DDR1: variants seen among roughly 807,000 people sequenced by gnomAD.
DDR1 encodes the protein discoidin domain receptor tyrosine kinase 1.
A neutral mutation model predicts 97.4 loss-of-function variants in DDR1; 64 were observed. The observed-to-expected ratio is 0.66, with a 90% confidence interval of 0.54 to 0.81. The LOEUF (loss-of-function observed/expected upper bound fraction) is 0.81, where lower values mean the gene tolerates loss of function less well. Ranked by LOEUF, DDR1 falls within the 30% of genes least tolerant of loss-of-function variation. DDR1 has a pLI of 0.00. For missense variants in DDR1, 990 were observed against 1,259.6 expected, an observed-to-expected ratio of 0.79 and a Z score of 3.24; for synonymous variants, 458 against 503.7, an observed-to-expected ratio of 0.91 and a Z score of 1.21.
At chr6:30,892,658 C>G in intron 8 of DDR1, 116 bp downstream of exon 8, 1 of 1,385,708 alleles carries the variant, frequency 7.2e-7, no homozygotes, top group South Asian at 1.5e-5. Flanking sequence ...CATCACCCAC[C>G]GAAACTTCTC....
Position 30,890,826 on chromosome 6 carries a change from C to T in DDR1, c.418-147C>T. ...AGATCTTCATTTCACCCATGCCTGGCTGCGCCCCACAGTGCTGTGTGCTCG... is the reference window on the plus strand; with the variant it reads ...AGATCTTCATTTCACCCATGCCTGGTTGCGCCCCACAGTGCTGTGTGCTCG... On this transcript the variant is annotated intron_variant, in intron 4 of 17. Coordinates refer to ENST00000376568, the MANE Select transcript of DDR1 (RefSeq NM_001297654.2). This position sits in a 1 kb window ranked among gnomAD's most constrained non-coding sequence, Gnocchi z 5.0. The T allele has an allele frequency of 1.4e-6, 1 of 724,750 alleles. No homozygotes were observed. The highest frequency in any genetic ancestry group is 2.1e-6 in the Non-Finnish European group (1 of 475,826). The allele number at this position is 724,750 out of a possible 1,614,324, so 44.9% of individuals were successfully genotyped here. A position where few individuals can be genotyped will look rare whatever the true frequency, so the allele number is the denominator to read the frequency against.
At chr6:30,898,764 TG>T in intron 16 of DDR1, 123 bp from the exon 17 acceptor site, 1 of 1,033,612 alleles carries the variant, frequency 9.7e-7, no homozygotes, top group Non-Finnish European at 1.4e-6. Flanking sequence ...GTGGAGAGCC[TG>T]GCGTCAGGAG....
rs940800414 is a variant in DDR1 at position 30,884,663 on chromosome 6, C to T, written c.-90C>T. On this transcript the variant is annotated 5_prime_UTR_variant, in exon 1 of 18. Transcript: ENST00000376568. The surrounding 1 kb of genome is among the most constrained non-coding windows in gnomAD (Gnocchi z 6.1). ...CCCCTCGCCCCGCCGCCGAAGAGGC[C>T]CCGCTCCCGGGTCGGACGCCTGGGT... is the stretch of plus-strand genomic sequence containing the variant. The T allele has an allele frequency of 6.6e-6, 1 of 152,180 alleles. No homozygotes were observed. Among genetic ancestry groups the T allele is most frequent in the Non-Finnish European group, 1.5e-5 (1 of 68,014 alleles). The allele number at this position is 152,180 out of a possible 1,614,324, so 9.4% of individuals were successfully genotyped here. A position where few individuals can be genotyped will look rare whatever the true frequency, so the allele number is the denominator to read the frequency against.
At chr6:30,896,950 C>T in intron 13 of DDR1, 64 bp from the exon 14 acceptor site, 2 of 1,576,896 alleles carry the variant, frequency 1.3e-6, no homozygotes, top group Non-Finnish European at 1.7e-6. Flanking sequence ...GAACCTTAGT[C>T]ATTTGTAACC....
In DDR1 at chr6:30,898,120, G is replaced by A. The variant is rs370297461; in HGVS notation, c.2264G>A (p.Arg755His). 58 of 1,614,220 alleles carry A rather than the reference G, an allele frequency of 3.6e-5. No homozygotes were observed. Among genetic ancestry groups the A allele is most frequent in the Non-Finnish European group, 4.7e-5 (56 of 1,180,034 alleles). Residue 755 changes from arginine to histidine, a missense_variant, in exon 16 of 18, where the codon CGC (arginine) becomes CAC (histidine). Physicochemically the swap from Arg to His is conservative, Grantham distance 29. Coordinates refer to ENST00000376568, the MANE Select transcript of DDR1 (RefSeq NM_001297654.2). ...GCAGCCCAGATCGCCTCCGGCATGCGCTATCTGGCCACACTCAACTTTGTA... is the reference window on the plus strand; with the variant it reads ...GCAGCCCAGATCGCCTCCGGCATGCACTATCTGGCCACACTCAACTTTGTA... ...HVAAQIASGM[R>H]YLATLNFVHR...
intron 8 of DDR1, 130 bp from the exon 9 acceptor site, chr6:30,892,938 C>A: frequency 1.3e-6 from 1 of 799,860 alleles, no homozygotes; most frequent in East Asian, 2.5e-5. Context: ...CCCCAGCCCC[C>A]ACTGGTCAGT....
At position 30,898,990 on chromosome 6, in the gene DDR1, C is replaced by T. The variant is rs2150475658; in HGVS notation, c.2554C>T (p.Gln852Ter). ...GCCCTTTGGGCAGCTCACCGACGAG[C>T]AGGTCATCGAGAACGCGGGGGAGTT... ...AQPFGQLTDE[Q>*]VIENAGEFFR... The change falls in exon 17 of 18, where the codon CAG (glutamine) becomes TAG (stop). Residue 852 changes from glutamine to a stop codon, truncating the protein, a stop_gained. Coordinates refer to ENST00000376568, the MANE Select transcript of DDR1 (RefSeq NM_001297654.2). LOFTEE classifies it high-confidence loss of function. 1 of 1,614,144 alleles carries T rather than the reference C, an allele frequency of 6.2e-7. No homozygotes were observed. The highest frequency in any genetic ancestry group is 8.5e-7 in the Non-Finnish European group (1 of 1,180,044).
rs1786599184 is a variant in DDR1, at chr6:30,888,186, GAAA to G, written c.-42-501_-42-499del. Among the ~76,000 whole-genome samples, 1 of 152,028 alleles carries G rather than the reference GAAA, an allele frequency of 6.6e-6. No individual in the cohort carries two copies. Among genetic ancestry groups the G allele is most frequent in the Non-Finnish European group, 1.5e-5 (1 of 68,002 alleles). On this transcript the variant is annotated intron_variant, in intron 1 of 17. Transcript: ENST00000376568. The surrounding 1 kb of genome is among the most constrained non-coding windows in gnomAD (Gnocchi z 4.2). ...TGGCAATTTGGCTTTGCTTTTCTGT[GAAA>G]TGACTATTCACATTCTTTGGCTGTT...
At position 30,897,273 on chromosome 6, in the gene DDR1, G is replaced by T; in HGVS notation, c.1998-106G>T. 1 of 1,461,594 alleles carries T rather than the reference G, an allele frequency of 6.8e-7. No homozygotes were observed. The highest frequency in any genetic ancestry group is 9.2e-7 in the Non-Finnish European group (1 of 1,084,368). 90.5% of individuals were successfully genotyped at this position (1,461,594 alleles called of 1,614,324 possible). On this transcript the variant is annotated intron_variant, in intron 14 of 17. Coordinates refer to ENST00000376568, the MANE Select transcript of DDR1 (RefSeq NM_001297654.2). This position sits in a 1 kb window ranked among gnomAD's most constrained non-coding sequence, Gnocchi z 5.2. Reference sequence around the variant, plus strand: ...GGAGGGGATTTACATGTACGCTGGGGGTGGGGACGCCTGGTCTGCCTGAGG... The same window carrying T: ...GGAGGGGATTTACATGTACGCTGGGTGTGGGGACGCCTGGTCTGCCTGAGG...
At chr6:30,882,223 TCTC>T (rs1784418299), upstream of DDR1, among the ~76,000 whole-genome samples, 1 of 152,160 alleles carries the variant, frequency 6.6e-6, no homozygotes, top group African/African-American at 2.4e-5. The surrounding 1 kb of genome is among the most constrained non-coding windows in gnomAD (Gnocchi z 4.8). Flanking sequence ...GAAGCTGCCT[TCTC>T]CCCTCTCCTA....
Position 30,894,379 on chromosome 6 carries a change from G to A in DDR1, c.1348-127G>A. The A allele has an allele frequency of 1.2e-6, 1 of 829,330 alleles. No individual in the cohort carries two copies. The highest frequency in any genetic ancestry group is 1.8e-6 in the Non-Finnish European group (1 of 565,136). 51.4% of individuals were successfully genotyped at this position (829,330 alleles called of 1,614,324 possible). A position where few individuals can be genotyped will look rare whatever the true frequency, so the allele number is the denominator to read the frequency against. On this transcript the variant is annotated intron_variant, in intron 10 of 17. Transcript: ENST00000376568. This position sits in a 1 kb window ranked among gnomAD's most constrained non-coding sequence, Gnocchi z 5.7. The stretch of plus-strand genomic sequence containing the variant: ...TCACTTTCTCTGCCTGTAAGATGGT[G>A]CTGATAGTATCCACAGCTGTAGGGC...
Position 30,886,438 on chromosome 6 carries a change from T to C in DDR1, c.-43+1728T>C, listed in dbSNP as rs866476217. Among the ~76,000 whole-genome samples, 1 of 152,224 alleles carries C rather than the reference T, an allele frequency of 6.6e-6. No homozygotes were observed. The highest frequency in any genetic ancestry group is 2.4e-5 in the African/African-American group (1 of 41,524). On this transcript the variant is annotated intron_variant, in intron 1 of 17. Transcript: ENST00000376568. This position sits in a 1 kb window ranked among gnomAD's most constrained non-coding sequence, Gnocchi z 4.6. Reference sequence around the variant, plus strand: ...ATGCCTTCTGGTTCTAGCCTCTGAGTGCCCCCCACAACTCAGTCGTCCCCC... The same window carrying C: ...ATGCCTTCTGGTTCTAGCCTCTGAGCGCCCCCCACAACTCAGTCGTCCCCC...
chr6:30,893,914 CA>C (rs1789632297), intron 10 of DDR1, among the ~76,000 whole-genome samples: 1 of 152,142 alleles, frequency 6.6e-6, no homozygotes, highest in Non-Finnish European at 1.5e-5. Context: ...TGGCACACCC[CA>C]AGCCACGTCT....
At chr6:30,882,636 G>GC (rs1447353170), upstream of DDR1, 1 of 152,468 alleles carries the variant, frequency 6.6e-6, no homozygotes, top group African/African-American at 2.4e-5. This position sits in a 1 kb window ranked among gnomAD's most constrained non-coding sequence, Gnocchi z 4.8. Context: ...GGCGAGGTGG[G>GC]CATCACCACT....
At position 30,889,532 on chromosome 6, in the gene DDR1, T is replaced by C. The variant is rs945292813; in HGVS notation, c.417+102T>C. On this transcript the variant is annotated intron_variant, in intron 4 of 17. Coordinates refer to ENST00000376568, the MANE Select transcript of DDR1 (RefSeq NM_001297654.2). This position sits in a 1 kb window ranked among gnomAD's most constrained non-coding sequence, Gnocchi z 4.9. ...GCTGACGACTCTCCAGTTTATATCATCTCCAGACTAAGCCTCTCAGCTGAG... is the reference window on the plus strand; with the variant it reads ...GCTGACGACTCTCCAGTTTATATCACCTCCAGACTAAGCCTCTCAGCTGAG... The C allele has an allele frequency of 6.0e-6, 5 of 831,036 alleles. No homozygotes were observed. The African/African-American group carries it at 6.9e-5, about 12-fold the overall frequency. The allele number at this position is 831,036 out of a possible 1,614,324, so 51.5% of individuals were successfully genotyped here.
chr6:30,899,953 G>C lies in DDR1; in HGVS notation c.*657G>C, dbSNP rs1792345526. On this transcript the variant is annotated 3_prime_UTR_variant, in exon 18 of 18. Transcript: ENST00000376568. ...TTCTGTGGAGTAAATATTGGGATTG[G>C]GGGGAAAGAGGGAGCAACGGCCCAT... The C allele has an allele frequency of 1.8e-6, 1 of 559,480 alleles. No individual in the cohort carries two copies. Among genetic ancestry groups the C allele is most frequent in the South Asian group, 1.5e-5 (1 of 66,832 alleles). The allele number at this position is 559,480 out of a possible 1,614,324, so 34.7% of individuals were successfully genotyped here. A position where few individuals can be genotyped will look rare whatever the true frequency, so the allele number is the denominator to read the frequency against.
Position 30,896,760 on chromosome 6 carries a change from G to A in DDR1, c.1764G>A (p.Val588=). The part of the protein sequence containing the change: ...QGVTGGNTYA[V]PALPPGAVGD... ...TCACCGGGGGCAACACCTATGCTGT[G>A]CCTGCACTGCCCCCAGGGGCAGTCG... Residue 588 remains valine (V), a synonymous_variant, in exon 13 of 18, where the codon GTG becomes GTA. Transcript: ENST00000376568. 6.3e-7 allele frequency: 1 copy of A among 1,588,726 alleles called. No homozygotes were observed. The highest frequency in any genetic ancestry group is 8.6e-7 in the Non-Finnish European group (1 of 1,166,182).
At position 30,884,853 on chromosome 6, in the gene DDR1, T is replaced by TGCCCGCCTCCCC. The variant is rs1361363161; in HGVS notation, c.-43+145_-43+156dup. The stretch of plus-strand genomic sequence containing the variant: ...GTCGTCCAGCTCTTCTAAGCCTCCC[T>TGCCCGCCTCCCC]GCCCGCCTCCCCGATGCTCTGGCAT... On this transcript the variant is annotated intron_variant, in intron 1 of 17. Coordinates refer to ENST00000376568, the MANE Select transcript of DDR1 (RefSeq NM_001297654.2). This position sits in a 1 kb window ranked among gnomAD's most constrained non-coding sequence, Gnocchi z 6.1. 490 of 244,772 alleles carry TGCCCGCCTCCCC rather than the reference T, an allele frequency of 2.0e-3. 1 individual carries two copies. Among genetic ancestry groups the TGCCCGCCTCCCC allele is most frequent in the Non-Finnish European group, 2.9e-3 (364 of 126,050 alleles). 15.2% of individuals were successfully genotyped at this position (244,772 alleles called of 1,614,324 possible).
Position 30,893,113 on chromosome 6 carries a change from C to T in DDR1, c.1145C>T (p.Pro382Leu). ...CCGGCACTGGGAGGCACCTTCCCGC[C>T]AGCCCCCTGGTGGCCGCCTGGCCCA... Reference protein sequence around the residue: ...SSPALGGTFPPAPWWPPGPPP... With the variant: ...SSPALGGTFPLAPWWPPGPPP... Residue 382 changes from proline to leucine, a missense_variant, in exon 9 of 18, where the codon CCA (proline) becomes CTA (leucine). Transcript: ENST00000376568. 6.2e-7 allele frequency: 1 copy of T among 1,611,942 alleles called. No individual in the cohort carries two copies. Among genetic ancestry groups the T allele is most frequent in the Non-Finnish European group, 8.5e-7 (1 of 1,179,946 alleles).
Sources: allele counts gnomAD v4.1 joint callset (sites outside exome capture counted in the v4.1 genomes callset), GRCh38; gene constraint gnomAD v4.1.1; non-coding constraint Gnocchi (gnomAD v3.1); transcripts MANE v1.5; gene names NCBI Gene and HGNC (gene_info 2026-07-23, HGNC 2026-07-21).